LTBP1: variants seen among roughly 807,000 people sequenced by gnomAD.
LTBP1 encodes latent-transforming growth factor beta-binding protein 1.
Under a neutral mutation model 207.6 loss-of-function variants are expected in LTBP1, and 129 were observed. The ratio of observed to expected loss-of-function variants is 0.62; its 90% CI spans 0.54 to 0.72. LTBP1 has a LOEUF of 0.72. Ranked by LOEUF, LTBP1 falls within the 30% of genes least tolerant of loss-of-function variation. The pLI, the probability that LTBP1 is intolerant of heterozygous loss-of-function variation, is 0.00. For synonymous variants in LTBP1, 963 were observed against 833.7 expected (o/e 1.16, Z -2.67); for missense variants, 2,281 against 2,217.2 (o/e 1.03, Z -0.58).
chr2:33,340,245 G>A (rs377458813), intron 24 of LTBP1, among the ~76,000 whole-genome samples: 29 of 136,668 alleles, frequency 2.1e-4, no homozygotes, highest in East Asian at 1.7e-3. Flanking sequence ...GCGACAGAGC[G>A]AGACTCTGTC....
At position 32,947,041 on chromosome 2, in the gene LTBP1, ACCCTCACCTTGCGCGGCCCGCTC is replaced by A. The variant is rs1558418754; in HGVS notation, c.-278_-256del. ...CTGCAACCCCCGGCCGGACGCGCGG[ACCCTCACCTTGCGCGGCCCGCTC>A]CCCTCGCCCCTCCCCGCTCCCCGGG... On this transcript the variant is annotated 5_prime_UTR_variant, in exon 1 of 34. Transcript: ENST00000404816. 2 of 256,066 alleles carry A rather than the reference ACCCTCACCTTGCGCGGCCCGCTC, an allele frequency of 7.8e-6. No individual in the cohort carries two copies. The highest frequency in any genetic ancestry group is 1.5e-5 in the Non-Finnish European group (2 of 135,868). 15.9% of individuals were successfully genotyped at this position (256,066 alleles called of 1,614,324 possible).
intron 3 of LTBP1, among the ~76,000 whole-genome samples, chr2:33,097,297 G>A (rs2079450743): frequency 1.3e-5 from 2 of 152,094 alleles, no homozygotes; most frequent in Admixed American, 1.3e-4. Context: ...CCTAAAAATA[G>A]TTCAAGTGGA....
At chr2:33,058,737 G>T (rs1013974658) in intron 3 of LTBP1, among the ~76,000 whole-genome samples, 3 of 152,102 alleles carry the variant, frequency 2.0e-5, no homozygotes, top group Non-Finnish European at 4.4e-5. Context: ...CAAGTTTTTT[G>T]ATTATACGTT....
At chr2:33,045,096 G>T (rs1426420921) in intron 3 of LTBP1, among the ~76,000 whole-genome samples, 1 of 152,046 alleles carries the variant, frequency 6.6e-6, no homozygotes, top group Non-Finnish European at 1.5e-5. Flanking sequence ...TTCTTTTGCT[G>T]TGCAGAAGCT....
rs150343599 is a variant in LTBP1, at chr2:33,142,894, A to G, written c.1201+7934A>G. ...AAAATTCCTTGGGGTCTGTAACACA[A>G]TGTCACAAAGTGTGTATTCTTTCCT... On this transcript the variant is annotated intron_variant, in intron 5 of 33. Transcript: ENST00000404816. 5.8e-4 allele frequency among the ~76,000 whole-genome samples: 89 copies of G among 152,320 alleles called. 1 individual carries two copies. Among genetic ancestry groups the G allele is most frequent in the African/African-American group, 1.9e-3 (81 of 41,574 alleles).
intron 2 of LTBP1, among the ~76,000 whole-genome samples, chr2:32,969,212 C>G: frequency 7.1e-6 from 1 of 140,272 alleles, no homozygotes. Flanking sequence ...AGGTGTGAGC[C>G]ATGGCACCTG....
At chr2:33,255,132 GT>G (rs1226105428) in intron 11 of LTBP1, among the ~76,000 whole-genome samples, 3 of 106,594 alleles carry the variant, frequency 2.8e-5, no homozygotes, top group African/African-American at 1.2e-4. Flanking sequence ...CTGTGTCCAT[GT>G]GATCTCATTG....
rs2081992016 is a variant in LTBP1 at position 33,134,349 on chromosome 2, CAG to C, written c.1034-443_1034-442del. On this transcript the variant is annotated intron_variant, in intron 4 of 33. Coordinates refer to ENST00000404816, the MANE Select transcript of LTBP1 (RefSeq NM_206943.4). This position sits in a 1 kb window ranked among gnomAD's most constrained non-coding sequence, Gnocchi z 4.4. ...AATAGTGACTTAATAAGTGGAGAAA[CAG>C]GGAAAGTATGCAAGTTGAGGACACA... The C allele has an allele frequency of 2.2e-6, 1 of 457,584 alleles. No homozygotes were observed. The highest frequency in any genetic ancestry group is 2.0e-5 in the African/African-American group (1 of 49,768). 28.3% of individuals were successfully genotyped at this position (457,584 alleles called of 1,614,324 possible). A position where few individuals can be genotyped will look rare whatever the true frequency, so the allele number is the denominator to read the frequency against.
chr2:33,255,921 G>T (rs1264472439), intron 11 of LTBP1, among the ~76,000 whole-genome samples: 1 of 152,018 alleles, frequency 6.6e-6, no homozygotes, highest in Non-Finnish European at 1.5e-5. Context: ...TCTACATTTG[G>T]TAATTTGCCT....
intron 4 of LTBP1, among the ~76,000 whole-genome samples, chr2:33,133,742 T>C (rs1488609017): frequency 1.3e-5 from 2 of 152,210 alleles, no homozygotes; most frequent in African/African-American, 4.8e-5. Flanking sequence ...ATTGGGTCCC[T>C]GAACTGTAGC....
At chr2:32,948,135 A>G (rs1676546868) in intron 1 of LTBP1, among the ~76,000 whole-genome samples, 1 of 152,218 alleles carries the variant, frequency 6.6e-6, no homozygotes, top group East Asian at 1.9e-4. Flanking sequence ...CGTAAACTTG[A>G]GGTCACTACA....
rs1471589914 is a variant in LTBP1, at chr2:33,188,595, T to C, written c.1445T>C (p.Ile482Thr). 2.5e-6 allele frequency: 4 copies of C among 1,612,850 alleles called. No individual in the cohort carries two copies. Among genetic ancestry groups the C allele is most frequent in the Admixed American group, 1.7e-5 (1 of 59,952 alleles). Residue 482 changes from isoleucine (I) to threonine (T), a missense_variant, in exon 7 of 34, where the codon ATA (isoleucine) becomes ACA (threonine). Ile to Thr is a moderately conservative substitution (Grantham distance 89). This residue lies in a region of LTBP1 where 1,671 missense variants were observed against 1,634.8 expected (regional missense o/e 1.02). Transcript: ENST00000404816. ...QGVKVKFPPN[I>T]VNIHVKHPPE... is the part of the protein sequence containing the mutation. ...GTTGTAGTGAAATTTCCTCCTAACATAGTCAATATCCATGTGAAACATCCT... is the reference window on the plus strand; with the variant it reads ...GTTGTAGTGAAATTTCCTCCTAACACAGTCAATATCCATGTGAAACATCCT...
chr2:33,288,527 G>C (rs369049236), intron 19 of LTBP1, among the ~76,000 whole-genome samples: 6 of 152,262 alleles, frequency 3.9e-5, no homozygotes, highest in East Asian at 3.9e-4. Flanking sequence ...CAGAGGATAC[G>C]GAGAGAGTAA....
chr2:33,057,489 C>T (rs560831441), intron 3 of LTBP1, among the ~76,000 whole-genome samples: 9 of 152,312 alleles, frequency 5.9e-5, no homozygotes, highest in Non-Finnish European at 1.2e-4. Context: ...CAGCTCTCAT[C>T]GGGGAGGCTC....
intron 3 of LTBP1, among the ~76,000 whole-genome samples, chr2:33,077,493 C>CTTCA (rs2078145327): frequency 6.6e-6 from 1 of 152,140 alleles, no homozygotes. Flanking sequence ...GAGCAAGCAT[C>CTTCA]TTCACATGGC....
intron 3 of LTBP1, among the ~76,000 whole-genome samples, chr2:33,089,155 C>CAAAAAAAAAAAAAAAAAAAAAAAAAAA (rs61009791): frequency 1.0e-5 from 1 of 96,416 alleles, no homozygotes; most frequent in African/African-American, 3.7e-5. Flanking sequence ...GACTCAGTCT[C>CAAAAAAAAAAAAAAAAAAAAAAAAAAA]AAAAAAAAAA....
chr2:33,021,424 A>G lies in LTBP1; in HGVS notation c.863+218A>G, dbSNP rs219195. ...TTTAGCCTCTGCAGGAAATTTTACC[A>G]TAAGTACAACCCATGGCAACCATGA... On this transcript the variant is annotated intron_variant, in intron 3 of 33. Transcript: ENST00000404816. 0.6 allele frequency among the ~76,000 whole-genome samples: 90,711 copies of G among 152,100 alleles called. 28,587 individuals carry two copies. Among genetic ancestry groups the G allele is most frequent in the South Asian group, 0.73 (3,516 of 4,818 alleles).
chr2:32,947,250 C>G lies in LTBP1; in HGVS notation c.-75C>G. 8.9e-7 allele frequency: 1 copy of G among 1,119,508 alleles called. No individual in the cohort carries two copies. Among genetic ancestry groups the G allele is most frequent in the Non-Finnish European group, 1.1e-6 (1 of 895,474 alleles). 69.3% of individuals were successfully genotyped at this position (1,119,508 alleles called of 1,614,324 possible). On this transcript the variant is annotated 5_prime_UTR_variant, in exon 1 of 34. Transcript: ENST00000404816. Reference sequence around the variant, plus strand: ...CAGCTCTCGGGGGAGCCCGAACGCGCGGGGAAAGGCGAGCCGCACGGCCGG... The same window carrying G: ...CAGCTCTCGGGGGAGCCCGAACGCGGGGGGAAAGGCGAGCCGCACGGCCGG...
At chr2:33,214,412 G>T (rs371969756) in intron 7 of LTBP1, among the ~76,000 whole-genome samples, 1 of 152,126 alleles carries the variant, frequency 6.6e-6, no homozygotes, top group African/African-American at 2.4e-5. Flanking sequence ...TTGTTCTCAC[G>T]TTGGATCTGT....
Sources: allele counts gnomAD v4.1 joint callset (sites outside exome capture counted in the v4.1 genomes callset), GRCh38; gene constraint gnomAD v4.1.1; regional missense constraint gnomAD v4.1.1; non-coding constraint Gnocchi (gnomAD v3.1); transcripts MANE v1.5; gene names NCBI Gene and HGNC (gene_info 2026-07-23, HGNC 2026-07-21).